MGAT4C: variants seen among roughly 807,000 people sequenced by gnomAD.
The protein encoded by MGAT4C is alpha-1,3-mannosyl-glycoprotein 4-beta-N-acetylglucosaminyltransferase C.
In MGAT4C, 19 loss-of-function variants were observed where a neutral mutation model predicts 40.1. That is an observed-to-expected ratio of 0.47 (90% CI 0.33 to 0.70). The LOEUF (loss-of-function observed/expected upper bound fraction) is 0.70. Among genes scored for constraint, MGAT4C ranks in the 30% least tolerant of loss-of-function variants. The pLI is 0.02. For missense variants in MGAT4C, 491 were observed against 563.2 expected (o/e 0.87, Z 1.30); for synonymous variants, 181 against 187.1 (o/e 0.97, Z 0.27).
At chr12:86,128,903 A>G in intron 1 of MGAT4C, among the ~76,000 whole-genome samples, 1 of 152,098 alleles carries the variant, frequency 6.6e-6, no homozygotes, top group Non-Finnish European at 1.5e-5. Flanking sequence ...CTAGCCAATT[A>G]CTCAACACCA....
chr12:86,690,702 G>T, intron 2 of MGAT4C, among the ~76,000 whole-genome samples: 1 of 152,104 alleles, frequency 6.6e-6, no homozygotes, highest in East Asian at 1.9e-4. Context: ...CCCGCCTTCT[G>T]CTTTGGTCTC....
chr12:86,050,664 A>G (rs1289151637), intron 1 of MGAT4C, among the ~76,000 whole-genome samples: 1 of 151,932 alleles, frequency 6.6e-6, no homozygotes, highest in Non-Finnish European at 1.5e-5. Context: ...CTCCATCAGC[A>G]TTTCTCTCTC....
chr12:86,058,135 G>T (rs1237135306), intron 1 of MGAT4C, among the ~76,000 whole-genome samples: 1 of 151,926 alleles, frequency 6.6e-6, no homozygotes, highest in Non-Finnish European at 1.5e-5. Flanking sequence ...AATTGTTAAT[G>T]GGATTTCATG....
At chr12:86,223,266 C>G (rs566289136) in intron 1 of MGAT4C, among the ~76,000 whole-genome samples, 1 of 152,314 alleles carries the variant, frequency 6.6e-6, no homozygotes, top group East Asian at 1.9e-4. Context: ...CGGTGCTGCT[C>G]CAGCTGAAAG....
At chr12:86,654,240 C>A (rs1267679761) in intron 2 of MGAT4C, among the ~76,000 whole-genome samples, 2 of 151,804 alleles carry the variant, frequency 1.3e-5, no homozygotes, top group African/African-American at 4.8e-5. Context: ...ACACTGATTG[C>A]ATCAGACAAG....
At chr12:86,742,264 T>C (rs1180436910) in intron 1 of MGAT4C, among the ~76,000 whole-genome samples, 2 of 151,666 alleles carry the variant, frequency 1.3e-5, no homozygotes, top group East Asian at 3.9e-4. Context: ...CTATTTGGAA[T>C]ATTTTGTTGT....
At chr12:86,668,085 T>C (rs1230698084) in intron 2 of MGAT4C, among the ~76,000 whole-genome samples, 2 of 152,248 alleles carry the variant, frequency 1.3e-5, no homozygotes, top group Non-Finnish European at 2.9e-5. Context: ...TTGTGCATAA[T>C]ATTACTTCTA....
At chr12:86,003,383 A>G (rs761362693) in intron 2 of MGAT4C, among the ~76,000 whole-genome samples, 2 of 152,188 alleles carry the variant, frequency 1.3e-5, no homozygotes, top group Admixed American at 6.5e-5. Flanking sequence ...GATTAAAAAA[A>G]TTATCAGTTC....
intron 1 of MGAT4C, among the ~76,000 whole-genome samples, chr12:86,055,878 CCT>C (rs1491162841): frequency 2.6e-4 from 40 of 151,914 alleles, no homozygotes; most frequent in Non-Finnish European, 4.4e-5. Context: ...TTTTCATTCC[CCT>C]GTTATCCAGT....
At chr12:86,424,398 T>C (rs570720012) in intron 3 of MGAT4C, among the ~76,000 whole-genome samples, 1 of 152,346 alleles carries the variant, frequency 6.6e-6, no homozygotes, top group African/African-American at 2.4e-5. Flanking sequence ...TGTTCTTTTT[T>C]TAGCCTGAAA....
At position 86,278,416 on chromosome 12, in the gene MGAT4C, T is replaced by C. The variant is rs375499824; in HGVS notation, c.-57+55649A>G. ...CTGGTCTTGAACTCCTGACCTCAGG[T>C]GATCCACCCACCTCGGCCTCCCAAA... On this transcript the variant is annotated intron_variant, in intron 4 of 7. Coordinates refer to the MGAT4C transcript ENST00000548651. 3.9e-5 allele frequency among the ~76,000 whole-genome samples: 6 copies of C among 152,206 alleles called. No homozygotes were observed. The South Asian group carries it at 1.0e-3, about 26-fold the overall frequency.
At chr12:86,452,550 A>G (rs1957442430) in intron 2 of MGAT4C, among the ~76,000 whole-genome samples, 1 of 151,844 alleles carries the variant, frequency 6.6e-6, no homozygotes, top group Non-Finnish European at 1.5e-5. Context: ...GGGGGTGGAA[A>G]ATGCCTCAAA....
intron 2 of MGAT4C, among the ~76,000 whole-genome samples, chr12:86,564,050 GA>G (rs1325114129): frequency 6.6e-6 from 1 of 152,164 alleles, no homozygotes; most frequent in Non-Finnish European, 1.5e-5. Context: ...TATCTGTGGA[GA>G]GATTGAAGAG....
chr12:86,425,164 T>G (rs566103909), intron 3 of MGAT4C, among the ~76,000 whole-genome samples: 223 of 152,178 alleles, frequency 1.5e-3, no homozygotes, highest in Non-Finnish European at 2.8e-3. Flanking sequence ...ATGTGGTGGC[T>G]CCAGATTTCT....
At chr12:86,402,757 G>A (rs1009605199) in intron 3 of MGAT4C, among the ~76,000 whole-genome samples, 5 of 152,040 alleles carry the variant, frequency 3.3e-5, no homozygotes, top group African/African-American at 1.2e-4. Context: ...ATTTTATCTG[G>A]TTATAAAGAC....
chr12:86,696,072 C>T (rs569730088), intron 2 of MGAT4C, among the ~76,000 whole-genome samples: 3 of 151,786 alleles, frequency 2.0e-5, no homozygotes, highest in South Asian at 2.1e-4. Context: ...ATTAGCTGGG[C>T]GTGGTGGTGC....
chr12:86,342,889 C>G (rs946399142), intron 3 of MGAT4C, among the ~76,000 whole-genome samples: 4 of 152,060 alleles, frequency 2.6e-5, no homozygotes, highest in African/African-American at 9.7e-5. Flanking sequence ...ATTATAATTA[C>G]CAAAGAAAGA....
intron 1 of MGAT4C, among the ~76,000 whole-genome samples, chr12:86,187,634 T>C (rs901472170): frequency 6.6e-6 from 1 of 151,918 alleles, no homozygotes; most frequent in Non-Finnish European, 1.5e-5. Flanking sequence ...TAGTGACTAG[T>C]TCATTGTTAC....
chr12:86,410,823 G>A (rs934054989), intron 3 of MGAT4C, among the ~76,000 whole-genome samples: 10 of 152,180 alleles, frequency 6.6e-5, no homozygotes, highest in Non-Finnish European at 1.5e-4. Flanking sequence ...ACTGATAAAT[G>A]TCCATGAAAT....
Sources: allele counts gnomAD v4.1 joint callset (sites outside exome capture counted in the v4.1 genomes callset), GRCh38; gene constraint gnomAD v4.1.1; transcripts MANE v1.5; gene names NCBI Gene and HGNC (gene_info 2026-07-23, HGNC 2026-07-21).